DPYD: variants seen among roughly 807,000 people sequenced by gnomAD.
The protein encoded by DPYD is dihydropyrimidine dehydrogenase.
A neutral mutation model predicts 116.2 loss-of-function variants in DPYD; 109 were observed. That is an observed-to-expected ratio of 0.94 (90% CI 0.80 to 1.10). The LOEUF (loss-of-function observed/expected upper bound fraction) is 1.10, where lower values mean the gene tolerates loss of function less well. Ranked by LOEUF, DPYD falls within the 50% of genes least tolerant of loss-of-function variation. The pLI, the probability that DPYD is intolerant of heterozygous loss-of-function variation, is 0.00. For synonymous variants in DPYD, 440 were observed against 432.0 expected, an observed-to-expected ratio of 1.02 and a Z score of -0.23; for missense variants, 1,302 against 1,254.5, an observed-to-expected ratio of 1.04 and a Z score of -0.57.
At chr1:97,858,568 T>C (rs1400485010) in intron 2 of DPYD, among the ~76,000 whole-genome samples, 1 of 152,180 alleles carries the variant, frequency 6.6e-6, no homozygotes, top group East Asian at 1.9e-4. Flanking sequence ...ACATTGGCTG[T>C]AATCAGAATT....
chr1:97,529,010 C>T lies in DPYD; in HGVS notation c.1525-13069G>A, dbSNP rs549640327. On this transcript the variant is annotated intron_variant, in intron 12 of 22. Transcript: ENST00000370192. ...TCTGCCTATCCAAACTTACCTTATGCCAATCTCTATAAATATACACATCAT... is the reference window on the plus strand; with the variant it reads ...TCTGCCTATCCAAACTTACCTTATGTCAATCTCTATAAATATACACATCAT... 4.6e-5 allele frequency among the ~76,000 whole-genome samples: 7 copies of T among 152,214 alleles called. No individual in the cohort carries two copies. The East Asian group carries it at 1.2e-3, about 25-fold the overall frequency.
chr1:97,609,859 C>T (rs189011234), intron 8 of DPYD, among the ~76,000 whole-genome samples: 2 of 151,892 alleles, frequency 1.3e-5, no homozygotes, highest in African/African-American at 4.8e-5. Context: ...TAGGTAATTA[C>T]TTACCTATCA....
chr1:97,775,581 G>T (rs904000860), intron 3 of DPYD, among the ~76,000 whole-genome samples: 1 of 152,046 alleles, frequency 6.6e-6, no homozygotes, highest in Non-Finnish European at 1.5e-5. Flanking sequence ...TCTCTTTGGG[G>T]TATACCTATT....
At chr1:97,757,588 G>A (rs1665319142) in intron 3 of DPYD, among the ~76,000 whole-genome samples, 1 of 152,134 alleles carries the variant, frequency 6.6e-6, no homozygotes, top group Admixed American at 6.6e-5. Context: ...TTGAGGATAT[G>A]CGTTCCTATC....
intron 8 of DPYD, among the ~76,000 whole-genome samples, chr1:97,657,704 C>T (rs1379546613): frequency 3.9e-5 from 6 of 152,090 alleles, no homozygotes; most frequent in Non-Finnish European, 5.9e-5. Context: ...CTAGAAATAA[C>T]AGTTTATGCT....
At chr1:97,740,355 C>G (rs1367919252) in intron 4 of DPYD, 37 bp downstream of exon 4, 37 of 1,519,868 alleles carry the variant, frequency 2.4e-5, no homozygotes, top group Non-Finnish European at 3.0e-5. Context: ...AGATCAAATA[C>G]TGTTATTTTC....
rs557392279 is a variant in DPYD, at chr1:97,142,360, C to T, written c.2623-43728G>A. ...ATATTTTATAGAAAACTTCATGTAA[C>T]ATTAGAAAAGAAAAAGAAACTAGTT... is the stretch of plus-strand genomic sequence containing the variant. On this transcript the variant is annotated intron_variant, in intron 20 of 22. Coordinates refer to ENST00000370192, the MANE Select transcript of DPYD (RefSeq NM_000110.4). Among the ~76,000 whole-genome samples the T allele has an allele frequency of 2.0e-5, 3 of 152,084 alleles. No individual in the cohort carries two copies. In the East Asian group the frequency reaches 5.8e-4, roughly 29 times the overall value.
chr1:97,553,350 G>A (rs1257950077), intron 11 of DPYD, among the ~76,000 whole-genome samples: 1 of 151,834 alleles, frequency 6.6e-6, no homozygotes. Flanking sequence ...AAATCCACGT[G>A]CATGTTATTC....
At chr1:97,506,919 T>A (rs1186853020) in intron 13 of DPYD, among the ~76,000 whole-genome samples, 1 of 152,046 alleles carries the variant, frequency 6.6e-6, no homozygotes, top group East Asian at 1.9e-4. Flanking sequence ...GAACAGAGAC[T>A]GATTTAAAAC....
At chr1:97,733,226 T>C (rs1034931021) in intron 4 of DPYD, among the ~76,000 whole-genome samples, 1 of 152,108 alleles carries the variant, frequency 6.6e-6, no homozygotes, top group African/African-American at 2.4e-5. Flanking sequence ...GGGTCTGTCA[T>C]GTGCTATTGT....
intron 8 of DPYD, among the ~76,000 whole-genome samples, chr1:97,602,982 A>T (rs1454190919): frequency 6.6e-6 from 1 of 151,998 alleles, no homozygotes; most frequent in Non-Finnish European, 1.5e-5. Flanking sequence ...GCTTTATGGT[A>T]TTATTTATTA....
chr1:97,274,908 C>T (rs113236838), intron 18 of DPYD, among the ~76,000 whole-genome samples: 5 of 152,116 alleles, frequency 3.3e-5, no homozygotes, highest in East Asian at 3.9e-4. Context: ...GATATAAACA[C>T]GAGAGAGATG....
intron 8 of DPYD, among the ~76,000 whole-genome samples, chr1:97,625,064 T>A (rs926962538): frequency 6.6e-6 from 1 of 152,054 alleles, no homozygotes; most frequent in East Asian, 1.9e-4. Context: ...ATATAGTTAA[T>A]AACAGAATAC....
intron 1 of DPYD, 114 bp downstream of exon 1, chr1:97,920,770 T>C (rs1571588309): frequency 2.1e-6 from 3 of 1,426,692 alleles, no homozygotes; most frequent in African/African-American, 1.4e-5. Context: ...GGGGAAACTT[T>C]CCCGCGTCTC....
chr1:97,602,085 A>G lies in DPYD; in HGVS notation c.851-6919T>C, dbSNP rs924255158. On this transcript the variant is annotated intron_variant, in intron 8 of 22. Coordinates refer to ENST00000370192, the MANE Select transcript of DPYD (RefSeq NM_000110.4). The stretch of plus-strand genomic sequence containing the variant: ...ATAGTATTTTTTTCCATTACACAAG[A>G]TTCTTTTTGTACACCAGCACATAAC... Among the ~76,000 whole-genome samples the G allele has an allele frequency of 2.6e-5, 4 of 152,114 alleles. No homozygotes were observed. The East Asian group carries it at 7.7e-4, about 29-fold the overall frequency.
intron 12 of DPYD, among the ~76,000 whole-genome samples, chr1:97,520,916 A>C (rs185343664): frequency 2.0e-5 from 3 of 151,802 alleles, no homozygotes; most frequent in Non-Finnish European, 4.4e-5. Context: ...TGCAATTGTG[A>C]ATAGTGCTTC....
intron 3 of DPYD, among the ~76,000 whole-genome samples, chr1:97,793,991 G>T (rs1349034155): frequency 2.0e-5 from 3 of 152,168 alleles, no homozygotes; most frequent in Admixed American, 6.5e-5. Context: ...AAGCTAGAGT[G>T]CTGTGGTGCA....
At position 97,203,323 on chromosome 1, in the gene DPYD, A is replaced by AT. The variant is rs553857390; in HGVS notation, c.2443-10076dup. ...AGACTCAAATCCTTAATTTTAGGCA[A>AT]TCTTTCTTTTTCAACAGAGTCAACA... On this transcript the variant is annotated intron_variant, in intron 19 of 22. Transcript: ENST00000370192. Among the ~76,000 whole-genome samples the AT allele has an allele frequency of 5.5e-4, 83 of 152,236 alleles. 1 individual carries two copies. Among genetic ancestry groups the AT allele is most frequent in the Admixed American group, 1.1e-3 (17 of 15,272 alleles).
chr1:97,092,086 TC>T (rs970080499), intron 21 of DPYD, among the ~76,000 whole-genome samples: 1 of 152,116 alleles, frequency 6.6e-6, no homozygotes, highest in African/African-American at 2.4e-5. Context: ...CCCTGGCCAG[TC>T]TCTCTAGTAA....
Sources: allele counts gnomAD v4.1 joint callset (sites outside exome capture counted in the v4.1 genomes callset), GRCh38; gene constraint gnomAD v4.1.1; transcripts MANE v1.5; gene names NCBI Gene and HGNC (gene_info 2026-07-23, HGNC 2026-07-21).